Variants in ANKS1B observed in about 807,000 individuals in gnomAD.
The protein encoded by ANKS1B is ankyrin repeat and sterile alpha motif domain-containing protein 1B.
In ANKS1B, 36 loss-of-function variants were observed where a neutral mutation model predicts 148.3. The observed-to-expected ratio is 0.24, with a 90% CI of 0.19 to 0.32. ANKS1B has a LOEUF of 0.32. ANKS1B is among the 10% of genes least tolerant of loss of function. The pLI is 1.00. For synonymous variants in ANKS1B, 542 were observed against 560.8 expected (o/e 0.97, Z 0.47); for missense variants, 1,157 against 1,542.6 (o/e 0.75, Z 4.19).
At chr12:99,819,772 G>T (rs959176883) in intron 2 of ANKS1B, among the ~76,000 whole-genome samples, 1 of 151,240 alleles carries the variant, frequency 6.6e-6, no homozygotes, top group African/African-American at 2.4e-5. Context: ...CACAGGGAAA[G>T]ATAAGATTAT....
intron 15 of ANKS1B, among the ~76,000 whole-genome samples, chr12:99,112,546 T>C (rs2060510262): frequency 6.6e-6 from 1 of 152,060 alleles, no homozygotes; most frequent in African/African-American, 2.4e-5. Flanking sequence ...GTAGGGATCA[T>C]GTTATTCATT....
intron 15 of ANKS1B, among the ~76,000 whole-genome samples, chr12:99,153,708 A>G (rs2075536068): frequency 1.3e-5 from 2 of 152,192 alleles, no homozygotes; most frequent in Non-Finnish European, 2.9e-5. Flanking sequence ...ACCTAAAGTA[A>G]TAAACAATAC....
intron 17 of ANKS1B, among the ~76,000 whole-genome samples, chr12:98,994,583 C>A (rs780747896): frequency 2.0e-4 from 30 of 152,204 alleles, no homozygotes; most frequent in Non-Finnish European, 3.4e-4. Flanking sequence ...CGTACCACTG[C>A]ACTCCATCCT....
chr12:99,981,027 C>T (rs1032945491), intron 1 of ANKS1B, among the ~76,000 whole-genome samples: 2 of 151,950 alleles, frequency 1.3e-5, no homozygotes, highest in African/African-American at 2.4e-5. Context: ...CCTTATTTGA[C>T]GATTCTATGA....
intron 8 of ANKS1B, among the ~76,000 whole-genome samples, chr12:99,674,376 A>G (rs1411791622): frequency 6.6e-6 from 1 of 151,868 alleles, no homozygotes; most frequent in Non-Finnish European, 1.5e-5. Flanking sequence ...AAAGTAATAA[A>G]TTAATCCTAG....
At chr12:99,981,719 G>A (rs867921575) in intron 1 of ANKS1B, among the ~76,000 whole-genome samples, 3 of 152,092 alleles carry the variant, frequency 2.0e-5, no homozygotes, top group Admixed American at 6.5e-5. Context: ...TCTGTGAAAT[G>A]ACAATGGACC....
At chr12:99,253,988 C>G (rs1233419964) in intron 12 of ANKS1B, among the ~76,000 whole-genome samples, 1 of 152,130 alleles carries the variant, frequency 6.6e-6, no homozygotes, top group African/African-American at 2.4e-5. Flanking sequence ...AAATAATTGG[C>G]CTGTAATCTT....
At chr12:99,330,986 T>A (rs1361047466) in intron 12 of ANKS1B, among the ~76,000 whole-genome samples, 1 of 152,046 alleles carries the variant, frequency 6.6e-6, no homozygotes, top group Admixed American at 6.6e-5. Context: ...ATCATTTTTA[T>A]ACATTCGAGG....
At chr12:99,344,960 A>T (rs2152348425) in intron 12 of ANKS1B, 1 of 152,206 alleles carries the variant, frequency 6.6e-6, no homozygotes, top group Admixed American at 6.6e-5. Context: ...AAAGAAGAAA[A>T]GCATTTAAGC....
Position 98,737,716 on chromosome 12 carries a change from C to G in ANKS1B, c.691-2082G>C, listed in dbSNP as rs898383794. 3.3e-5 allele frequency among the ~76,000 whole-genome samples: 5 copies of G among 152,228 alleles called. 1 individual carries two copies. In the East Asian group the frequency reaches 9.6e-4, roughly 29 times the overall value. On this transcript the variant is annotated intron_variant, in intron 9 of 9. Transcript: ENST00000341752. Reference sequence around the variant, plus strand: ...GCATATCACCAGCATTTTATCTTGCCGTTTTAGTTTGGCCTTTTTCTGTGA... The same window carrying G: ...GCATATCACCAGCATTTTATCTTGCGGTTTTAGTTTGGCCTTTTTCTGTGA...
intron 8 of ANKS1B, among the ~76,000 whole-genome samples, chr12:99,689,513 G>C (rs187366530): frequency 6.6e-6 from 1 of 152,160 alleles, no homozygotes; most frequent in East Asian, 1.9e-4. Flanking sequence ...CATCACTCTT[G>C]TGATTATGTT....
At chr12:99,212,359 T>A (rs1039320783) in intron 14 of ANKS1B, among the ~76,000 whole-genome samples, 41 of 5,470 alleles carry the variant, frequency 7.5e-3, no homozygotes, top group African/African-American at 0.051. Flanking sequence ...CGTGTAGAGA[T>A]TTTTTTTTTT....
chr12:99,003,220 G>T (rs2153376523), intron 17 of ANKS1B, among the ~76,000 whole-genome samples: 1 of 152,274 alleles, frequency 6.6e-6, no homozygotes, highest in South Asian at 2.1e-4. Context: ...ATACCAAAGT[G>T]ATTTAATTAT....
chr12:99,559,553 T>C (rs564426422), intron 9 of ANKS1B, among the ~76,000 whole-genome samples: 7 of 152,320 alleles, frequency 4.6e-5, no homozygotes, highest in South Asian at 2.1e-4. Flanking sequence ...GCAGAATCAA[T>C]ATTTTCTGAA....
At chr12:99,709,293 G>C (rs2153533434) in intron 8 of ANKS1B, among the ~76,000 whole-genome samples, 1 of 152,240 alleles carries the variant, frequency 6.6e-6, no homozygotes, top group South Asian at 2.1e-4. Context: ...AACTATGGGT[G>C]CTGGAATGTA....
chr12:99,566,598 T>C (rs1216771069), intron 9 of ANKS1B, among the ~76,000 whole-genome samples: 1 of 152,008 alleles, frequency 6.6e-6, no homozygotes, highest in Non-Finnish European at 1.5e-5. Context: ...CTAATTAGGG[T>C]TAGATAATGT....
intron 2 of ANKS1B, among the ~76,000 whole-genome samples, chr12:99,817,771 C>A (rs1158991624): frequency 2.6e-5 from 4 of 151,744 alleles, no homozygotes. Context: ...TGAGGTTAAG[C>A]ATTTTTTCAT....
At chr12:98,771,737 CA>C (rs1375067505) in intron 25 of ANKS1B, among the ~76,000 whole-genome samples, 1 of 152,142 alleles carries the variant, frequency 6.6e-6, no homozygotes, top group Non-Finnish European at 1.5e-5. Context: ...CCTCGGCCTC[CA>C]AAAGTGCTGG....
At chr12:99,517,190 T>G (rs985493624) in intron 9 of ANKS1B, among the ~76,000 whole-genome samples, 3 of 152,160 alleles carry the variant, frequency 2.0e-5, no homozygotes, top group African/African-American at 7.2e-5. Flanking sequence ...TTAATTTCAT[T>G]CATCAGTATT....
Sources: gnomAD v4.1 joint callset for allele counts (sites outside exome capture counted in the v4.1 genomes callset) on GRCh38, gnomAD v4.1.1 for gene constraint, MANE v1.5 for transcripts, NCBI Gene and HGNC (gene_info 2026-07-23, HGNC 2026-07-21) for gene names.